The following SPOCK3 variants were observed in gnomAD, a reference collection of about 807,000 sequenced individuals.
SPOCK3 encodes testican-3.
SPOCK3 carries 30 observed loss-of-function variants against 56.6 expected under a neutral mutation model. The observed-to-expected ratio is 0.53, with a 90% CI of 0.40 to 0.72. SPOCK3 has a LOEUF of 0.72. Among genes scored for constraint, SPOCK3 ranks in the 30% least tolerant of loss-of-function variants. The pLI is 0.00. For missense variants in SPOCK3, 527 were observed against 530.0 expected (o/e 0.99, Z 0.06); for synonymous variants, 196 against 183.3 (o/e 1.07, Z -0.56).
chr4:166,817,798 A>G (rs1054835486), intron 6 of SPOCK3, among the ~76,000 whole-genome samples: 2 of 152,114 alleles, frequency 1.3e-5, no homozygotes, highest in Admixed American at 1.3e-4. Context: ...GAGATATAAT[A>G]CAGATTTCAG....
chr4:166,933,169 A>ACTCT lies in SPOCK3; in HGVS notation c.351-20430_351-20427dup, dbSNP rs767486159. On this transcript the variant is annotated intron_variant, in intron 4 of 10. Transcript: ENST00000357545. ...AAAGGAGCTCTCTGAATCCCTTTTGACTCTCTGTATGCCAAAATTAGAAGA... is the reference window on the plus strand; with the variant it reads ...AAAGGAGCTCTCTGAATCCCTTTTGACTCTCTCTCTGTATGCCAAAATTAGAAGA... 2.6e-5 allele frequency among the ~76,000 whole-genome samples: 4 copies of ACTCT among 152,300 alleles called. No homozygotes were observed. In the East Asian group the frequency reaches 5.8e-4, roughly 22 times the overall value.
At chr4:166,953,254 C>G (rs1057101949) in intron 4 of SPOCK3, among the ~76,000 whole-genome samples, 12 of 151,956 alleles carry the variant, frequency 7.9e-5, no homozygotes, top group Non-Finnish European at 1.6e-4. Context: ...AACAAACAAC[C>G]CCATCAAAAA....
In SPOCK3 at chr4:166,998,749, C is replaced by T. The variant is rs1748651810; in HGVS notation, c.350+1600G>A. ...TGCACGTGGAAATCTTTCCCAGGGT[C>T]TCTAGAACTTGTGATAAAACAGTTT... On this transcript the variant is annotated intron_variant, in intron 4 of 10. Transcript: ENST00000357545. Among the ~76,000 whole-genome samples, 3 of 152,028 alleles carry T rather than the reference C, an allele frequency of 2.0e-5. No homozygotes were observed. The South Asian group carries it at 6.2e-4, about 31-fold the overall frequency.
At chr4:167,074,382 C>G (rs1436023110) in intron 2 of SPOCK3, among the ~76,000 whole-genome samples, 1 of 151,922 alleles carries the variant, frequency 6.6e-6, no homozygotes, top group Non-Finnish European at 1.5e-5. Context: ...CCAAGGCTGC[C>G]TACTCTTCTG....
At chr4:166,892,801 C>T (rs887557767) in intron 5 of SPOCK3, among the ~76,000 whole-genome samples, 5 of 151,884 alleles carry the variant, frequency 3.3e-5, no homozygotes, top group African/African-American at 7.3e-5. Context: ...ACACTAGTCA[C>T]GGAAAGTTAT....
intron 4 of SPOCK3, among the ~76,000 whole-genome samples, chr4:166,954,314 C>T (rs893199219): frequency 1.3e-5 from 2 of 152,056 alleles, no homozygotes; most frequent in Admixed American, 6.6e-5. Flanking sequence ...TGATATCATC[C>T]CATCTGTCTA....
At chr4:167,077,177 A>G (rs1039240668) in intron 2 of SPOCK3, among the ~76,000 whole-genome samples, 1 of 151,872 alleles carries the variant, frequency 6.6e-6, no homozygotes, top group Non-Finnish European at 1.5e-5. Context: ...TTCCTTCAGT[A>G]TTTATTTTAT....
intron 4 of SPOCK3, among the ~76,000 whole-genome samples, chr4:166,927,876 C>T (rs1739296753): frequency 6.6e-6 from 1 of 151,860 alleles, no homozygotes. Context: ...ATATAAAAAA[C>T]TCAACAATAA....
intron 5 of SPOCK3, among the ~76,000 whole-genome samples, chr4:166,891,363 C>T (rs1408299806): frequency 6.6e-6 from 1 of 151,970 alleles, no homozygotes; most frequent in African/African-American, 2.4e-5. Flanking sequence ...GCACCGAATG[C>T]ACCCAATAGC....
intron 6 of SPOCK3, among the ~76,000 whole-genome samples, chr4:166,826,025 C>G (rs1249344978): frequency 6.6e-6 from 1 of 151,886 alleles, no homozygotes; most frequent in African/African-American, 2.4e-5. Context: ...ACCACCTGTT[C>G]CCCAAAAACT....
chr4:167,151,503 C>T (rs577530104), intron 2 of SPOCK3, among the ~76,000 whole-genome samples: 209 of 148,858 alleles, frequency 1.4e-3, no homozygotes, highest in African/African-American at 4.5e-3. Flanking sequence ...GGCATGATCT[C>T]GACTCACTGC....
intron 4 of SPOCK3, among the ~76,000 whole-genome samples, chr4:166,981,032 G>A (rs1561080912): frequency 6.6e-6 from 1 of 152,178 alleles, no homozygotes; most frequent in Admixed American, 6.5e-5. Context: ...ACAACTGGAG[G>A]GTGAGCAAGG....
chr4:167,234,257 A>G (rs747740106), intron 1 of SPOCK3, 84 bp from the exon 2 acceptor site: 3 of 1,380,916 alleles, frequency 2.2e-6, no homozygotes, highest in Non-Finnish European at 3.0e-6. Flanking sequence ...CCTGGAAAAC[A>G]TGCATTAGCA....
At chr4:167,106,387 T>C (rs537425945) in intron 2 of SPOCK3, among the ~76,000 whole-genome samples, 24 of 152,042 alleles carry the variant, frequency 1.6e-4, no homozygotes, top group Middle Eastern at 3.4e-3. Context: ...TTAATGACCA[T>C]TGTGTCAATT....
intron 2 of SPOCK3, among the ~76,000 whole-genome samples, chr4:167,114,273 C>T (rs1022264847): frequency 9.9e-5 from 15 of 152,054 alleles, no homozygotes; most frequent in African/African-American, 3.4e-4. Flanking sequence ...GACTCATGGA[C>T]GAAAACCTAA....
chr4:167,152,269 G>A (rs1764493367), intron 2 of SPOCK3, among the ~76,000 whole-genome samples: 1 of 152,116 alleles, frequency 6.6e-6, no homozygotes, highest in African/African-American at 2.4e-5. Flanking sequence ...GAACACTGTG[G>A]AACAGTTGTT....
At chr4:166,769,231 G>A (rs1017904170) in intron 7 of SPOCK3, among the ~76,000 whole-genome samples, 1 of 152,192 alleles carries the variant, frequency 6.6e-6, no homozygotes, top group African/African-American at 2.4e-5. Flanking sequence ...TGCTGGGGAG[G>A]AGCTGCGTTC....
intron 10 of SPOCK3, among the ~76,000 whole-genome samples, chr4:166,735,839 C>A (rs1326556241): frequency 6.6e-6 from 1 of 151,962 alleles, no homozygotes; most frequent in Admixed American, 6.6e-5. Context: ...TTCTGAGGCA[C>A]AGAAATGTAG....
intron 4 of SPOCK3, among the ~76,000 whole-genome samples, chr4:166,945,934 T>A (rs564068928): frequency 8.5e-5 from 13 of 152,348 alleles, no homozygotes; most frequent in African/African-American, 2.9e-4. Flanking sequence ...AGGGATTAAT[T>A]GTTCAGAAGT....
Sources: gnomAD v4.1 joint callset for allele counts (sites outside exome capture counted in the v4.1 genomes callset) on GRCh38, gnomAD v4.1.1 for gene constraint, MANE v1.5 for transcripts, NCBI Gene and HGNC (gene_info 2026-07-23, HGNC 2026-07-21) for gene names.